The following MAN1A1 variants were observed in gnomAD, a reference collection of about 807,000 sequenced individuals.
MAN1A1 encodes mannosidase alpha class 1A member 1.
In MAN1A1, 29 loss-of-function variants were observed where a neutral mutation model predicts 70.8. The observed-to-expected ratio is 0.41, with a 90% CI of 0.31 to 0.56. MAN1A1 has a LOEUF of 0.56. MAN1A1 is among the 20% of genes least tolerant of loss of function. MAN1A1 has a pLI of 0.29. For missense variants in MAN1A1, 747 were observed against 841.3 expected (o/e 0.89, Z 1.39); for synonymous variants, 349 against 330.1 (o/e 1.06, Z -0.62).
At chr6:119,347,327 G>A (rs765369661) in intron 2 of MAN1A1, among the ~76,000 whole-genome samples, 25 of 152,008 alleles carry the variant, frequency 1.6e-4, no homozygotes, top group Non-Finnish European at 3.5e-4. Flanking sequence ...ATGGGATCAG[G>A]GACTTCCTCT....
chr6:119,232,206 A>G (rs1012158002), intron 6 of MAN1A1, among the ~76,000 whole-genome samples: 2 of 151,822 alleles, frequency 1.3e-5, no homozygotes, highest in Admixed American at 6.6e-5. Flanking sequence ...CCTCGTCTCT[A>G]CTAAAAAATG....
At chr6:119,338,291 A>G (rs1201260497) in intron 2 of MAN1A1, among the ~76,000 whole-genome samples, 1 of 152,120 alleles carries the variant, frequency 6.6e-6, no homozygotes, top group Non-Finnish European at 1.5e-5. Context: ...GCTCTTCACT[A>G]TCTTAAAAAA....
chr6:119,190,435 G>A (rs555465780), intron 9 of MAN1A1, among the ~76,000 whole-genome samples: 1 of 152,300 alleles, frequency 6.6e-6, no homozygotes, highest in South Asian at 2.1e-4. Context: ...ATTTGTGGGA[G>A]TGAACAATTT....
chr6:119,188,478 A>AT lies in MAN1A1; in HGVS notation c.1645dup (p.Met549AsnfsTer13). On this transcript the variant is annotated frameshift_variant, in exon 11 of 13. Transcript: ENST00000368468. LOFTEE classifies it high-confidence loss of function. ...TCTCCACATATACATGTAAGTCTCC[A>AT]TAACTTCTGGCCGTAAGATGTAGTA... is the stretch of plus-strand genomic sequence containing the variant. The AT allele has an allele frequency of 6.2e-7, 1 of 1,614,070 alleles. No individual in the cohort carries two copies. The highest frequency in any genetic ancestry group is 8.5e-7 in the Non-Finnish European group (1 of 1,179,942).
At chr6:119,294,411 C>G (rs901483840) in intron 4 of MAN1A1, among the ~76,000 whole-genome samples, 2 of 152,046 alleles carry the variant, frequency 1.3e-5, no homozygotes, top group East Asian at 1.9e-4. Flanking sequence ...GACAAAGCAG[C>G]CTGTAACACT....
chr6:119,180,063 G>A (rs1464552614), intron 12 of MAN1A1, 118 bp from the exon 13 acceptor site: 2 of 1,109,900 alleles, frequency 1.8e-6, no homozygotes, highest in East Asian at 2.4e-5. Flanking sequence ...ACATGGACAA[G>A]AGTCAAATAT....
At chr6:119,309,038 A>C (rs556313147) in intron 2 of MAN1A1, among the ~76,000 whole-genome samples, 112 of 152,320 alleles carry the variant, frequency 7.4e-4, no homozygotes, top group African/African-American at 2.5e-3. Context: ...AGTTGCTGAC[A>C]TATTTCTCAA....
intron 9 of MAN1A1, among the ~76,000 whole-genome samples, chr6:119,190,420 C>T (rs1773413079): frequency 6.6e-6 from 1 of 152,194 alleles, no homozygotes; most frequent in Non-Finnish European, 1.5e-5. Context: ...CTGACACTAT[C>T]TCTAATTTGT....
At position 119,283,270 on chromosome 6, in the gene MAN1A1, T is replaced by C. The variant is rs74500325; in HGVS notation, c.897+7413A>G. Among the ~76,000 whole-genome samples the C allele has an allele frequency of 1.4e-4, 22 of 152,330 alleles. 1 individual carries two copies. In the East Asian group the frequency reaches 4.2e-3, roughly 29 times the overall value. ...TATTATCCATGTACAGATTTTACTT[T>C]AAAAGTCACTGGAAGAATTTTCTGT... On this transcript the variant is annotated intron_variant, in intron 5 of 12. Coordinates refer to ENST00000368468, the MANE Select transcript of MAN1A1 (RefSeq NM_005907.4).
At chr6:119,247,176 T>A (rs1026348412) in intron 6 of MAN1A1, among the ~76,000 whole-genome samples, 6 of 152,252 alleles carry the variant, frequency 3.9e-5, no homozygotes, top group African/African-American at 1.4e-4. Context: ...GGAAGAAATG[T>A]GCATTAATCT....
chr6:119,198,811 C>T (rs986224937), intron 8 of MAN1A1, among the ~76,000 whole-genome samples: 3 of 152,192 alleles, frequency 2.0e-5, no homozygotes, highest in African/African-American at 7.2e-5. Context: ...GTCAGCCTCA[C>T]ACAGTAATAC....
intron 5 of MAN1A1, among the ~76,000 whole-genome samples, chr6:119,251,498 G>C (rs1775315622): frequency 1.3e-5 from 2 of 152,068 alleles, no homozygotes; most frequent in African/African-American, 4.8e-5. Flanking sequence ...CATTCTTTAA[G>C]GCCAAAGTCA....
At chr6:119,283,720 G>A (rs574731017) in intron 5 of MAN1A1, among the ~76,000 whole-genome samples, 1 of 152,184 alleles carries the variant, frequency 6.6e-6, no homozygotes, top group South Asian at 2.1e-4. Flanking sequence ...AAGAAAAAGG[G>A]TCTGTTATAC....
At chr6:119,342,655 G>GT (rs1554217901) in intron 2 of MAN1A1, among the ~76,000 whole-genome samples, 9 of 152,222 alleles carry the variant, frequency 5.9e-5, no homozygotes, top group Admixed American at 1.3e-4. Flanking sequence ...TCAGAGACAG[G>GT]TAAGTGCATC....
At chr6:119,259,012 A>T (rs1775533682) in intron 5 of MAN1A1, among the ~76,000 whole-genome samples, 1 of 152,188 alleles carries the variant, frequency 6.6e-6, no homozygotes, top group Non-Finnish European at 1.5e-5. Context: ...AAAGAGCAAC[A>T]ATAGTTATTA....
At chr6:119,204,054 GA>G in intron 7 of MAN1A1, among the ~76,000 whole-genome samples, 1 of 152,162 alleles carries the variant, frequency 6.6e-6, no homozygotes, top group East Asian at 1.9e-4. Flanking sequence ...CAAAAGAGGA[GA>G]CAAACTGGGA....
chr6:119,228,019 T>C (rs979456859), intron 6 of MAN1A1, among the ~76,000 whole-genome samples: 9 of 152,186 alleles, frequency 5.9e-5, no homozygotes, highest in African/African-American at 1.9e-4. Flanking sequence ...TTAAAAAATA[T>C]GAAAGTATTT....
At chr6:119,342,921 C>T (rs1390016214) in intron 2 of MAN1A1, among the ~76,000 whole-genome samples, 1 of 152,078 alleles carries the variant, frequency 6.6e-6, no homozygotes, top group Admixed American at 6.6e-5. Context: ...CTCTCCCTTC[C>T]TTCTTCTTCC....
chr6:119,288,294 T>C (rs903799250), intron 5 of MAN1A1, among the ~76,000 whole-genome samples: 9 of 151,998 alleles, frequency 5.9e-5, no homozygotes, highest in Admixed American at 3.9e-4. Flanking sequence ...TGTTAAATTA[T>C]GGTGGTTTAA....
Sources: allele counts gnomAD v4.1 joint callset (sites outside exome capture counted in the v4.1 genomes callset), GRCh38; gene constraint gnomAD v4.1.1; transcripts MANE v1.5; gene names NCBI Gene and HGNC (gene_info 2026-07-23, HGNC 2026-07-21).